The following ABHD3 variants were observed in gnomAD, a reference collection of about 807,000 sequenced individuals.
ABHD3 encodes phospholipase ABHD3.
A neutral mutation model predicts 48.8 loss-of-function variants in ABHD3; 46 were observed. The observed-to-expected ratio is 0.94, with a 90% CI of 0.74 to 1.20. The LOEUF is 1.20. ABHD3 is among the 50% of genes most tolerant of loss of function. The probability of loss-of-function intolerance (pLI) is 0.00; values close to 1 mark genes in which losing one functional copy is unlikely to be tolerated. For missense variants in ABHD3, 490 were observed against 497.8 expected (o/e 0.98, Z 0.15); for synonymous variants, 192 against 183.7 (o/e 1.04, Z -0.36).
At chr18:21,704,072 T>C (rs1314184287) in intron 1 of ABHD3, among the ~76,000 whole-genome samples, 2 of 152,190 alleles carry the variant, frequency 1.3e-5, no homozygotes, top group Non-Finnish European at 2.9e-5. Context: ...TTTGTAATTG[T>C]AACGGGGTTT....
At chr18:21,695,085 T>G (rs976825940) in intron 3 of ABHD3, among the ~76,000 whole-genome samples, 1 of 151,976 alleles carries the variant, frequency 6.6e-6, no homozygotes, top group African/African-American at 2.4e-5. Context: ...CAGGCTGGAG[T>G]GCAATGGAGC....
rs1404560561 is a variant in ABHD3 at position 21,650,982 on chromosome 18, A to G, written c.*609T>C. ...TTTTAAAAATAAGCATGTAAATTAT[A>G]ATCATTATAAAACATAAGTTAGTCC... On this transcript the variant is annotated 3_prime_UTR_variant, in exon 9 of 9. Transcript: ENST00000289119. 2.6e-5 allele frequency: 4 copies of G among 152,180 alleles called. No homozygotes were observed. Among genetic ancestry groups the G allele is most frequent in the African/African-American group, 9.6e-5 (4 of 41,464 alleles). The allele number at this position is 152,180 out of a possible 1,614,324, so 9.4% of individuals were successfully genotyped here.
At chr18:21,677,875 G>C (rs1383428545) in intron 4 of ABHD3, among the ~76,000 whole-genome samples, 1 of 151,960 alleles carries the variant, frequency 6.6e-6, no homozygotes, top group African/African-American at 2.4e-5. Context: ...AGTAGAGACA[G>C]GGTTTCACCA....
rs1455447624 is a variant in ABHD3 at position 21,651,827 on chromosome 18, G to GT, written c.1058-65dup. 2.8e-6 allele frequency: 4 copies of GT among 1,414,938 alleles called. No individual in the cohort carries two copies. The African/African-American group carries it at 5.8e-5, about 20-fold the overall frequency. 87.6% of individuals were successfully genotyped at this position (1,414,938 alleles called of 1,614,324 possible). ...GGAGAGAGAAAAATATAATCATTAT[G>GT]TTTTTGTCAGGAAAAGCATATACCT... On this transcript the variant is annotated intron_variant, in intron 8 of 8. Transcript: ENST00000289119.
At chr18:21,693,495 G>A (rs1027850792) in intron 3 of ABHD3, among the ~76,000 whole-genome samples, 9 of 152,120 alleles carry the variant, frequency 5.9e-5, no homozygotes, top group African/African-American at 1.2e-4. Context: ...CAAAGAAGAC[G>A]GGTGCTCTGA....
At chr18:21,668,656 T>C (rs1391835186) in intron 4 of ABHD3, among the ~76,000 whole-genome samples, 1 of 152,136 alleles carries the variant, frequency 6.6e-6, no homozygotes, top group African/African-American at 2.4e-5. Context: ...ACCTAATTCT[T>C]GTAAAGCACC....
chr18:21,652,208 T>A (rs1010013200), intron 8 of ABHD3, among the ~76,000 whole-genome samples: 3 of 152,094 alleles, frequency 2.0e-5, no homozygotes, highest in Admixed American at 1.3e-4. Flanking sequence ...CTTTACATGA[T>A]GTGGCTGGGC....
At chr18:21,684,311 C>CTT (rs564516602) in intron 3 of ABHD3, among the ~76,000 whole-genome samples, 12,483 of 82,940 alleles carry the variant, frequency 0.15, 1,205 homozygotes, top group Non-Finnish European at 0.19. Flanking sequence ...AATGTTTTTG[C>CTT]TTTTTTTTTT....
At chr18:21,669,300 A>G (rs1444935824) in intron 4 of ABHD3, among the ~76,000 whole-genome samples, 1 of 152,172 alleles carries the variant, frequency 6.6e-6, no homozygotes, top group Non-Finnish European at 1.5e-5. Context: ...TCTGAGATTC[A>G]GCAAATCTAG....
At chr18:21,702,120 A>G (rs1455831369) in intron 3 of ABHD3, 196 bp downstream of exon 3, 3 of 505,444 alleles carry the variant, frequency 5.9e-6, no homozygotes, top group East Asian at 6.7e-5. Context: ...ATGCTAAGTG[A>G]CATTTCTTGT....
intron 4 of ABHD3, among the ~76,000 whole-genome samples, chr18:21,668,079 T>C (rs2039675762): frequency 1.3e-5 from 2 of 150,314 alleles, no homozygotes; most frequent in South Asian, 4.2e-4. Flanking sequence ...CAGGCACGTG[T>C]AGTCCCAGCT....
At chr18:21,693,117 C>T (rs1415431024) in intron 3 of ABHD3, among the ~76,000 whole-genome samples, 3 of 152,122 alleles carry the variant, frequency 2.0e-5, no homozygotes, top group East Asian at 1.9e-4. Flanking sequence ...AACAGTAAGG[C>T]GTAGGCAGTA....
intron 4 of ABHD3, among the ~76,000 whole-genome samples, chr18:21,666,853 C>T (rs975484928): frequency 2.6e-5 from 4 of 151,946 alleles, no homozygotes; most frequent in Admixed American, 1.3e-4. Context: ...GCAATCCTCT[C>T]GGTAGAATAT....
intron 4 of ABHD3, among the ~76,000 whole-genome samples, chr18:21,672,430 C>T (rs1195304773): frequency 6.6e-6 from 1 of 152,140 alleles, no homozygotes; most frequent in Non-Finnish European, 1.5e-5. Context: ...ACACGAATGC[C>T]TGGTAAAAAA....
At chr18:21,654,524 G>A (rs1351909149) in intron 8 of ABHD3, among the ~76,000 whole-genome samples, 1 of 152,106 alleles carries the variant, frequency 6.6e-6, no homozygotes, top group Admixed American at 6.6e-5. Context: ...AGCCACGTCC[G>A]TCCCAAGAAA....
chr18:21,704,367 TG>T, intron 1 of ABHD3, 136 bp downstream of exon 1: 3 of 969,698 alleles, frequency 3.1e-6, no homozygotes, highest in Non-Finnish European at 4.0e-6. Flanking sequence ...CCGCGCGCGC[TG>T]GGGGCTGCCG....
At position 21,651,653 on chromosome 18, in the gene ABHD3, T is replaced by C. The variant is rs1200596812; in HGVS notation, c.1168A>G (p.Met390Val). Residue 390 changes from methionine to valine, a missense_variant, in exon 9 of 9, where the codon ATG (methionine) becomes GTG (valine). Transcript: ENST00000289119. The stretch of plus-strand genomic sequence containing the variant: ...ACAAATTGCTTGAAGACACGATCCA[T>C]GTAAGTGGACTGTCTTGGCCAGATT... ...EGIWPRQSTY[M>V]DRVFKQFVQA... 2 of 1,613,892 alleles carry C rather than the reference T, an allele frequency of 1.2e-6. No individual in the cohort carries two copies. The highest frequency in any genetic ancestry group is 8.5e-7 in the Non-Finnish European group (1 of 1,180,006).
At chr18:21,680,723 G>C (rs369396328) in intron 4 of ABHD3, among the ~76,000 whole-genome samples, 5 of 152,014 alleles carry the variant, frequency 3.3e-5, no homozygotes, top group African/African-American at 1.2e-4. Context: ...AAAATTACTG[G>C]GTTGCTGTAC....
chr18:21,697,415 T>TA (rs1266822141), intron 3 of ABHD3, among the ~76,000 whole-genome samples: 2 of 152,052 alleles, frequency 1.3e-5, no homozygotes, highest in Non-Finnish European at 2.9e-5. Context: ...AGTCTCACTC[T>TA]GTTGCCCAGG....
Sources: allele counts gnomAD v4.1 joint callset (sites outside exome capture counted in the v4.1 genomes callset), GRCh38; gene constraint gnomAD v4.1.1; transcripts MANE v1.5; gene names NCBI Gene and HGNC (gene_info 2026-07-23, HGNC 2026-07-21).